Variants in RNGTT observed in about 807,000 individuals in gnomAD.
RNGTT encodes the protein mRNA-capping enzyme.
Under a neutral mutation model 79.3 loss-of-function variants are expected in RNGTT, and 33 were observed. The ratio of observed to expected loss-of-function variants is 0.42; its 90% CI spans 0.32 to 0.56. The LOEUF (loss-of-function observed/expected upper bound fraction) is 0.56. Among genes scored for constraint, RNGTT ranks in the 20% least tolerant of loss-of-function variants. The probability of loss-of-function intolerance (pLI) is 0.17; values close to 1 mark genes in which losing one functional copy is unlikely to be tolerated. For missense variants in RNGTT, 497 were observed against 739.1 expected (o/e 0.67, Z 3.80); for synonymous variants, 222 against 235.9 (o/e 0.94, Z 0.54).
intron 13 of RNGTT, among the ~76,000 whole-genome samples, chr6:88,680,050 T>A (rs541681460): frequency 6.6e-6 from 1 of 152,308 alleles, no homozygotes; most frequent in Admixed American, 6.5e-5. Context: ...AATGGAACAC[T>A]GTGTGGTATC....
intron 8 of RNGTT, among the ~76,000 whole-genome samples, chr6:88,887,791 T>C (rs940746192): frequency 6.6e-6 from 1 of 152,090 alleles, no homozygotes; most frequent in African/African-American, 2.4e-5. Flanking sequence ...AAGCTTACCA[T>C]GATACTGTGA....
intron 8 of RNGTT, among the ~76,000 whole-genome samples, chr6:88,874,373 A>G (rs1381374199): frequency 2.6e-5 from 4 of 152,156 alleles, no homozygotes; most frequent in East Asian, 3.8e-4. Context: ...TAATTTTTAT[A>G]AAGTAATCCA....
chr6:88,850,615 C>A (rs1205046594), intron 9 of RNGTT, among the ~76,000 whole-genome samples: 1 of 151,656 alleles, frequency 6.6e-6, no homozygotes, highest in Non-Finnish European at 1.5e-5. Flanking sequence ...AAAAAACACA[C>A]TGATTTAGGA....
At chr6:88,701,093 A>G (rs1205353911) in intron 13 of RNGTT, among the ~76,000 whole-genome samples, 2 of 152,038 alleles carry the variant, frequency 1.3e-5, no homozygotes, top group African/African-American at 4.8e-5. Flanking sequence ...GAAGAAGAGG[A>G]AGAAGTGGAA....
chr6:88,834,380 C>T (rs1390411217), intron 11 of RNGTT, among the ~76,000 whole-genome samples: 3 of 152,142 alleles, frequency 2.0e-5, no homozygotes, highest in African/African-American at 7.2e-5. Context: ...AAGGATCCAT[C>T]AGGCCATATT....
intron 14 of RNGTT, among the ~76,000 whole-genome samples, chr6:88,666,998 C>T (rs1174664815): frequency 1.3e-5 from 2 of 152,146 alleles, no homozygotes; most frequent in South Asian, 2.1e-4. Context: ...AGAAATTTTA[C>T]AGTTATTAGA....
intron 10 of RNGTT, among the ~76,000 whole-genome samples, chr6:88,846,068 C>G (rs1205981850): frequency 6.6e-6 from 1 of 151,938 alleles, no homozygotes; most frequent in Non-Finnish European, 1.5e-5. Flanking sequence ...TAGAAGCTTT[C>G]TACCTTTATA....
chr6:88,661,862 A>G (rs79436678), intron 14 of RNGTT, among the ~76,000 whole-genome samples: 3,238 of 152,326 alleles, frequency 0.021, 96 homozygotes, highest in African/African-American at 0.074. Flanking sequence ...GGACATAACA[A>G]AAAAGAAAAC....
chr6:88,952,796 C>A (rs557097422), intron 1 of RNGTT, among the ~76,000 whole-genome samples: 2 of 152,328 alleles, frequency 1.3e-5, no homozygotes, highest in East Asian at 1.9e-4. Flanking sequence ...CAGGACTCTG[C>A]AGACATTCTT....
intron 13 of RNGTT, among the ~76,000 whole-genome samples, chr6:88,687,902 G>T (rs1335582350): frequency 6.6e-6 from 1 of 152,074 alleles, no homozygotes; most frequent in Admixed American, 6.6e-5. Context: ...TTTTTATACA[G>T]TTAGGACTTA....
chr6:88,912,105 A>G (rs1783846286), intron 4 of RNGTT, among the ~76,000 whole-genome samples: 1 of 151,936 alleles, frequency 6.6e-6, no homozygotes. Flanking sequence ...AAAAAGAAGA[A>G]GAAGAAGACA....
intron 10 of RNGTT, among the ~76,000 whole-genome samples, chr6:88,845,812 C>T (rs999992255): frequency 2.6e-5 from 4 of 152,224 alleles, no homozygotes; most frequent in African/African-American, 9.6e-5. Flanking sequence ...ATACAACCAT[C>T]TGTAAAGGAT....
chr6:88,630,263 A>C (rs1444736036), intron 14 of RNGTT, among the ~76,000 whole-genome samples: 1 of 152,210 alleles, frequency 6.6e-6, no homozygotes, highest in Non-Finnish European at 1.5e-5. Flanking sequence ...GCCAAAGAAG[A>C]CACAGTGGAT....
chr6:88,724,694 A>C (rs1177763322), intron 13 of RNGTT, among the ~76,000 whole-genome samples: 2 of 152,160 alleles, frequency 1.3e-5, no homozygotes, highest in Non-Finnish European at 2.9e-5. Context: ...ATGAGTTCTA[A>C]ATTTCTTTTC....
intron 8 of RNGTT, among the ~76,000 whole-genome samples, chr6:88,878,219 C>A (rs1337401090): frequency 6.6e-6 from 1 of 151,910 alleles, no homozygotes; most frequent in Middle Eastern, 3.2e-3. Context: ...TCTCAGCCTC[C>A]CAGGTAGCTA....
At chr6:88,906,552 C>T (rs1393039310) in intron 4 of RNGTT, 112 bp from the exon 5 acceptor site, 9 of 619,364 alleles carry the variant, frequency 1.5e-5, no homozygotes, top group Non-Finnish European at 2.2e-5. Flanking sequence ...AAAATAATTA[C>T]ATTTTTTAAT....
intron 8 of RNGTT, among the ~76,000 whole-genome samples, chr6:88,855,811 A>G (rs1244932813): frequency 6.6e-6 from 1 of 152,238 alleles, no homozygotes; most frequent in Admixed American, 6.5e-5. Flanking sequence ...CCTCTGGCAC[A>G]TGCTTTTCAA....
At chr6:88,863,502 T>A (rs1304430579) in intron 8 of RNGTT, among the ~76,000 whole-genome samples, 1 of 152,124 alleles carries the variant, frequency 6.6e-6, no homozygotes, top group East Asian at 1.9e-4. Context: ...CCATAAAGAA[T>A]CAAAAAATCT....
At chr6:88,679,781 C>T (rs1775019001) in intron 13 of RNGTT, among the ~76,000 whole-genome samples, 1 of 152,164 alleles carries the variant, frequency 6.6e-6, no homozygotes, top group Non-Finnish European at 1.5e-5. Context: ...TTGTGTTTAA[C>T]TGACCTAAAT....
Sources: allele counts gnomAD v4.1 joint callset (sites outside exome capture counted in the v4.1 genomes callset), GRCh38; gene constraint gnomAD v4.1.1; transcripts MANE v1.5; gene names NCBI Gene and HGNC (gene_info 2026-07-23, HGNC 2026-07-21).